RBM14: variants seen among roughly 807,000 people sequenced by gnomAD.
RBM14 encodes RNA-binding protein 14.
A neutral mutation model predicts 52.8 loss-of-function variants in RBM14; 5 were observed. The observed-to-expected ratio is 0.09, with a 90% CI of 0.05 to 0.20. The LOEUF is 0.20. RBM14 is among the 10% of genes least tolerant of loss of function. The pLI is 1.00. For missense variants in RBM14, 780 were observed against 926.6 expected (o/e 0.84, Z 2.05); for synonymous variants, 411 against 401.8 (o/e 1.02, Z -0.28).
Position 66,628,767 on chromosome 11 carries a change from G to A in RBM14, c.*2099G>A, listed in dbSNP as rs968839424. Among the ~76,000 whole-genome samples the A allele has an allele frequency of 4.6e-5, 7 of 152,170 alleles. No individual in the cohort carries two copies. Among genetic ancestry groups the A allele is most frequent in the Admixed American group, 2.6e-4 (4 of 15,272 alleles). ...GGGTTGATGGTAGGGTTATGATTGT[G>A]GCCTGTGTATTTGCAATTTTTCTTT... On this transcript the variant is annotated 3_prime_UTR_variant, in exon 3 of 3. Transcript: ENST00000310137.
At chr11:66,623,808 A>G in intron 1 of RBM14, 1 of 703,928 alleles carries the variant, frequency 1.4e-6, no homozygotes, top group Non-Finnish European at 2.7e-6. Flanking sequence ...GCTAGGCCTC[A>G]AAGGTGTTTG....
rs746212060 is a variant in RBM14 at position 66,616,987 on chromosome 11, A to C, written c.267A>C (p.Ala89=). ...WKIFVGNVSA[A]CTSQELRSLF... ...TTTTCGTGGGCAATGTGTCGGCTGC[A>C]TGCACGAGCCAGGAACTGCGCAGCC... is the stretch of plus-strand genomic sequence containing the variant. The change falls in exon 1 of 3, where the codon GCA becomes GCC. Residue 89 remains alanine, a synonymous_variant. Transcript: ENST00000310137. 7.4e-6 allele frequency: 12 copies of C among 1,612,128 alleles called. No individual in the cohort carries two copies. The Admixed American group carries it at 1.7e-4, about 22-fold the overall frequency.
At chr11:66,617,129 G>T (rs561716337) in intron 1 of RBM14, 72 bp downstream of exon 1, 2 of 1,513,878 alleles carry the variant, frequency 1.3e-6, no homozygotes, top group East Asian at 4.5e-5. Context: ...CCCCTTACCC[G>T]GGGGTCGGTC....
Position 66,624,967 on chromosome 11 carries a change from C to T in RBM14, c.1091C>T (p.Ser364Phe). Residue 364 changes from serine (S) to phenylalanine (F), a missense_variant, in exon 2 of 3, where the codon TCC becomes TTC. By Grantham distance (155) the Ser-to-Phe change is radical. Around this residue, in one of 4 missense-constraint regions of RBM14, gnomAD observed 675 missense variants for 697.3 expected, o/e 0.97. Transcript: ENST00000310137. This position sits in a 1 kb window ranked among gnomAD's most constrained non-coding sequence, Gnocchi z 4.7. Reference sequence around the variant, plus strand: ...TATGGGGTTCGTGCAGCTGCTTCTTCCTACAACACCCAGGGAGCAGCTTCC... The same window carrying T: ...TATGGGGTTCGTGCAGCTGCTTCTTTCTACAACACCCAGGGAGCAGCTTCC... Reference protein sequence around the residue: ...SSYGVRAAASSYNTQGAASSL... With the variant: ...SSYGVRAAASFYNTQGAASSL... 6.2e-7 allele frequency: 1 copy of T among 1,614,024 alleles called. No homozygotes were observed. The highest frequency in any genetic ancestry group is 8.5e-7 in the Non-Finnish European group (1 of 1,180,002).
rs766633208 is a variant in RBM14 at position 66,626,716 on chromosome 11, G to A, written c.*48G>A. On this transcript the variant is annotated 3_prime_UTR_variant, in exon 3 of 3. Coordinates refer to ENST00000310137, the MANE Select transcript of RBM14 (RefSeq NM_006328.4). ...ACAGGGAGGGAGGGAGAAAAGAGGT[G>A]GGTAGGGTTACAGATCCAGGTTATA... 1.3e-6 allele frequency: 2 copies of A among 1,506,136 alleles called. No individual in the cohort carries two copies. Among genetic ancestry groups the A allele is most frequent in the East Asian group, 4.7e-5 (2 of 42,122 alleles). The allele number at this position is 1,506,136 out of a possible 1,614,324, so 93.3% of individuals were successfully genotyped here. A position where few individuals can be genotyped will look rare whatever the true frequency, so the allele number is the denominator to read the frequency against.
At chr11:66,626,020 T>A (rs1937789300) in intron 2 of RBM14, among the ~76,000 whole-genome samples, 1 of 152,206 alleles carries the variant, frequency 6.6e-6, no homozygotes, top group Non-Finnish European at 1.5e-5. Flanking sequence ...TACGTGGTTG[T>A]CCTGGCTTTG....
rs1182576493 is a variant in RBM14 at position 66,625,668 on chromosome 11, A to T, written c.1792A>T (p.Met598Leu). ...CGATCCCTACAAAAAGGCTGTCGCC[A>T]TGTCGAAAAGGTACTGTATGCCCCC... ...YDDPYKKAVA[M>L]SKRYGSDRRL... The change falls in exon 2 of 3, where the codon ATG becomes TTG. Residue 598 changes from methionine (M) to leucine (L), a missense_variant. Physicochemically the swap from Met to Leu is conservative, Grantham distance 15 (BLOSUM62 2). Around this residue, in one of 4 missense-constraint regions of RBM14, gnomAD observed 675 missense variants for 697.3 expected, o/e 0.97. Transcript: ENST00000310137. This position sits in a 1 kb window ranked among gnomAD's most constrained non-coding sequence, Gnocchi z 4.2. 6.2e-7 allele frequency: 1 copy of T among 1,609,336 alleles called. No individual in the cohort carries two copies.
chr11:66,627,399 A>G lies in RBM14; in HGVS notation c.*731A>G, dbSNP rs768525672. 6.6e-6 allele frequency: 1 copy of G among 152,240 alleles called. No homozygotes were observed. The highest frequency in any genetic ancestry group is 2.4e-5 in the African/African-American group (1 of 41,450). 9.4% of individuals were successfully genotyped at this position (152,240 alleles called of 1,614,324 possible). A position where few individuals can be genotyped will look rare whatever the true frequency, so the allele number is the denominator to read the frequency against. ...TGTCAAAGGAGCCAATTTGACATCC[A>G]GGAAGACATGATAGCTAAAGGGAAG... On this transcript the variant is annotated 3_prime_UTR_variant, in exon 3 of 3. Transcript: ENST00000310137.
At chr11:66,619,858 G>A (rs905388220) in intron 1 of RBM14, among the ~76,000 whole-genome samples, 2 of 152,224 alleles carry the variant, frequency 1.3e-5, no homozygotes, top group Admixed American at 6.5e-5. Flanking sequence ...AAGCCACCGC[G>A]CCTAGCCCTC....
At position 66,625,664 on chromosome 11, in the gene RBM14, C is replaced by T. The variant is rs1257656037; in HGVS notation, c.1788C>T (p.Val596=). The change falls in exon 2 of 3, where the codon GTC becomes GTT. Residue 596 remains valine, a synonymous_variant. Coordinates refer to ENST00000310137, the MANE Select transcript of RBM14 (RefSeq NM_006328.4). This position sits in a 1 kb window ranked among gnomAD's most constrained non-coding sequence, Gnocchi z 4.2. The part of the protein sequence containing the change: ...ASYDDPYKKA[V]AMSKRYGSDR... Reference sequence around the variant, plus strand: ...ACGACGATCCCTACAAAAAGGCTGTCGCCATGTCGAAAAGGTACTGTATGC... The same window carrying T: ...ACGACGATCCCTACAAAAAGGCTGTTGCCATGTCGAAAAGGTACTGTATGC... 1.9e-6 allele frequency: 3 copies of T among 1,610,238 alleles called. No homozygotes were observed. The highest frequency in any genetic ancestry group is 2.5e-6 in the Non-Finnish European group (3 of 1,179,432).
At chr11:66,617,183 G>C (rs572470184) in intron 1 of RBM14, 126 bp downstream of exon 1, 252 of 1,450,052 alleles carry the variant, frequency 1.7e-4, no homozygotes, top group Non-Finnish European at 2.1e-4. Flanking sequence ...GGAGCAGGTC[G>C]GAGGTGTTGG....
rs768910664 is a variant in RBM14, at chr11:66,625,500, G to C, written c.1624G>C (p.Gly542Arg). 6.2e-7 allele frequency: 1 copy of C among 1,612,542 alleles called. No homozygotes were observed. Among genetic ancestry groups the C allele is most frequent in the Admixed American group, 1.7e-5 (1 of 59,942 alleles). The change falls in exon 2 of 3, where the codon GGC (glycine) becomes CGC (arginine). Residue 542 changes from glycine (G) to arginine (R), a missense_variant. Physicochemically the swap from Gly to Arg is moderately radical, Grantham distance 125. This residue lies in a region of RBM14 where 675 missense variants were observed against 697.3 expected (regional missense o/e 0.97). Coordinates refer to ENST00000310137, the MANE Select transcript of RBM14 (RefSeq NM_006328.4). This position sits in a 1 kb window ranked among gnomAD's most constrained non-coding sequence, Gnocchi z 4.2. The part of the protein sequence containing the change: ...QHPQAAASYR[G>R]QPGNAYDGAG... ...TCCCCAGGCTGCTGCCTCCTACCGC[G>C]GCCAGCCAGGCAATGCCTACGATGG...
intron 1 of RBM14, chr11:66,621,019 T>C (rs1023050524): frequency 6.6e-6 from 1 of 152,028 alleles, no homozygotes; most frequent in Non-Finnish European, 1.5e-5. Flanking sequence ...AAAATATTTA[T>C]TCATTCTTTA....
rs2135019461 is a variant in RBM14, at chr11:66,624,154, C to T, written c.338-60C>T. On this transcript the variant is annotated intron_variant, in intron 1 of 2. Coordinates refer to ENST00000310137, the MANE Select transcript of RBM14 (RefSeq NM_006328.4). The surrounding 1 kb of genome is among the most constrained non-coding windows in gnomAD (Gnocchi z 4.7). Reference sequence around the variant, plus strand: ...GTGCTGTTGTGTGTCCAATTTGGGACCCATCAGGTAGCATGCCCTGCCCCC... The same window carrying T: ...GTGCTGTTGTGTGTCCAATTTGGGATCCATCAGGTAGCATGCCCTGCCCCC... 1 of 1,539,744 alleles carries T rather than the reference C, an allele frequency of 6.5e-7. No individual in the cohort carries two copies. Among genetic ancestry groups the T allele is most frequent in the South Asian group, 1.3e-5 (1 of 79,020 alleles).
chr11:66,617,398 G>T, intron 1 of RBM14: 1 of 1,143,418 alleles, frequency 8.7e-7, no homozygotes, highest in Non-Finnish European at 1.1e-6. Context: ...GGGAAGTGAC[G>T]GGCACAAGCC....
chr11:66,618,499 A>G, intron 1 of RBM14: 1 of 717,418 alleles, frequency 1.4e-6, no homozygotes, highest in Non-Finnish European at 2.6e-6. Flanking sequence ...AACTCAGGTT[A>G]TACAAGTCCA....
In RBM14 at chr11:66,626,733, C is replaced by T; in HGVS notation, c.*65C>T. On this transcript the variant is annotated 3_prime_UTR_variant, in exon 3 of 3. Transcript: ENST00000310137. ...AAAGAGGTGGGTAGGGTTACAGATCCAGGTTATAACTACTCTGGCCCATAC... is the reference window on the plus strand; with the variant it reads ...AAAGAGGTGGGTAGGGTTACAGATCTAGGTTATAACTACTCTGGCCCATAC... 3 of 1,417,726 alleles carry T rather than the reference C, an allele frequency of 2.1e-6. No individual in the cohort carries two copies. The highest frequency in any genetic ancestry group is 2.9e-6 in the Non-Finnish European group (3 of 1,051,044). 87.8% of individuals were successfully genotyped at this position (1,417,726 alleles called of 1,614,324 possible).
intron 1 of RBM14, among the ~76,000 whole-genome samples, chr11:66,618,289 T>C (rs1565067993): frequency 6.6e-6 from 1 of 152,112 alleles, no homozygotes; most frequent in Non-Finnish European, 1.5e-5. Context: ...TCATACCCTG[T>C]GTGAGAAGTT....
rs1022130500 is a variant in RBM14, at chr11:66,628,750, G to C, written c.*2082G>C. Among the ~76,000 whole-genome samples, 3 of 152,160 alleles carry C rather than the reference G, an allele frequency of 2.0e-5. No individual in the cohort carries two copies. The highest frequency in any genetic ancestry group is 4.4e-5 in the Non-Finnish European group (3 of 68,022). On this transcript the variant is annotated 3_prime_UTR_variant, in exon 3 of 3. Coordinates refer to ENST00000310137, the MANE Select transcript of RBM14 (RefSeq NM_006328.4). ...TTACCCTGGAAAATTGAGGGTTGAT[G>C]GTAGGGTTATGATTGTGGCCTGTGT... is the stretch of plus-strand genomic sequence containing the variant.
Sources: allele counts gnomAD v4.1 joint callset (sites outside exome capture counted in the v4.1 genomes callset), GRCh38; gene constraint gnomAD v4.1.1; regional missense constraint gnomAD v4.1.1; non-coding constraint Gnocchi (gnomAD v3.1); transcripts MANE v1.5; gene names NCBI Gene and HGNC (gene_info 2026-07-23, HGNC 2026-07-21).